Variants in CCDC181 observed in about 807,000 individuals in gnomAD.
CCDC181 encodes coiled-coil domain containing 181, also known as coiled-coil domain-containing protein 181.
A neutral mutation model predicts 58.7 loss-of-function variants in CCDC181; 35 were observed. That is an observed-to-expected ratio of 0.60 (90% CI 0.46 to 0.79). The LOEUF (loss-of-function observed/expected upper bound fraction) is 0.79. Ranked by LOEUF, CCDC181 falls within the 30% of genes least tolerant of loss-of-function variation. CCDC181 has a pLI of 0.00. For missense variants in CCDC181, 517 were observed against 583.9 expected (o/e 0.89, Z 1.18); for synonymous variants, 183 against 197.5 (o/e 0.93, Z 0.62).
intron 4 of CCDC181, among the ~76,000 whole-genome samples, chr1:169,418,262 A>C (rs1196799857): frequency 6.6e-6 from 1 of 152,214 alleles, no homozygotes; most frequent in Non-Finnish European, 1.5e-5. Flanking sequence ...TCTACAAATG[A>C]AGAATGGCTT....
chr1:169,417,727 T>A (rs1351018092), intron 4 of CCDC181, among the ~76,000 whole-genome samples: 1 of 152,164 alleles, frequency 6.6e-6, no homozygotes, highest in East Asian at 1.9e-4. Context: ...AGAGTCATCT[T>A]ATTAGAACAA....
intron 2 of CCDC181, among the ~76,000 whole-genome samples, chr1:169,459,147 T>C (rs1657764396): frequency 6.6e-6 from 1 of 152,210 alleles, no homozygotes; most frequent in Non-Finnish European, 1.5e-5. Flanking sequence ...TATGAAATAA[T>C]AAAATAATCA....
rs1656512837 is a variant in CCDC181, at chr1:169,422,259, C to G, written c.172G>C (p.Val58Leu). The G allele has an allele frequency of 6.2e-7, 1 of 1,601,586 alleles. No homozygotes were observed. Among genetic ancestry groups the G allele is most frequent in the Non-Finnish European group, 8.5e-7 (1 of 1,170,638 alleles). ...INQDLKENET[V>L]MEHTKRHSDP... is the part of the protein sequence containing the mutation. ...GAATGCCGTTTGGTGTGCTCCATTA[C>G]TGTCTCATTCTCTTTTAAGTCTTGG... Residue 58 changes from valine (V) to leucine (L), a missense_variant, in exon 3 of 6, where the codon GTA becomes CTA. Val to Leu is a conservative substitution (Grantham distance 32). Coordinates refer to ENST00000367806, the MANE Select transcript of CCDC181 (RefSeq NM_001300969.2).
At chr1:169,455,444 C>T (rs189485701) in intron 2 of CCDC181, among the ~76,000 whole-genome samples, 63 of 152,064 alleles carry the variant, frequency 4.1e-4, no homozygotes, top group African/African-American at 1.4e-3. Context: ...GGTTTAAAGC[C>T]CCACTAATTA....
rs776982580 is a variant in CCDC181 at position 169,421,965 on chromosome 1, C to G, written c.466G>C (p.Asp156His). The G allele has an allele frequency of 1.2e-6, 2 of 1,613,990 alleles. No homozygotes were observed. The highest frequency in any genetic ancestry group is 4.5e-5 in the East Asian group (2 of 44,874). ...DKRERKLKFK[D>H]QLVDLEVPPL... ...GGAACTTCCAAATCAACTAACTGGTCCTTGAACTTAAGTTTTCGCTCCCTT... is the reference window on the plus strand; with the variant it reads ...GGAACTTCCAAATCAACTAACTGGTGCTTGAACTTAAGTTTTCGCTCCCTT... Residue 156 changes from aspartate to histidine, a missense_variant, in exon 3 of 6, where the codon GAC (aspartate) becomes CAC (histidine). Asp to His is a moderately conservative substitution (Grantham distance 81). Transcript: ENST00000367806.
chr1:169,401,297 G>A (rs1418379284), intron 4 of CCDC181, among the ~76,000 whole-genome samples: 1 of 152,224 alleles, frequency 6.6e-6, no homozygotes, highest in Non-Finnish European at 1.5e-5. Flanking sequence ...TTTGAAGAGA[G>A]TAGTGCTTTT....
chr1:169,452,872 T>C (rs545803818), intron 2 of CCDC181: 1 of 152,216 alleles, frequency 6.6e-6, no homozygotes, highest in East Asian at 1.9e-4. Context: ...TATTTTCCTT[T>C]TTCTCTTAAA....
At position 169,424,716 on chromosome 1, in the gene CCDC181, T is replaced by C. The variant is rs1656637567; in HGVS notation, c.117+95A>G. 6 of 697,100 alleles carry C rather than the reference T, an allele frequency of 8.6e-6. No individual in the cohort carries two copies. In the South Asian group the frequency reaches 1.3e-4, roughly 15 times the overall value. 43.2% of individuals were successfully genotyped at this position (697,100 alleles called of 1,614,324 possible). A position where few individuals can be genotyped will look rare whatever the true frequency, so the allele number is the denominator to read the frequency against. ...TTGCCCAATGTAGATCAAAGAAATT[T>C]TGTGATGTTTAGATGAGATAATAAT... On this transcript the variant is annotated intron_variant, in intron 2 of 5. Transcript: ENST00000367806.
upstream of CCDC181, among the ~76,000 whole-genome samples, chr1:169,428,658 T>G (rs1656813461): frequency 6.6e-6 from 1 of 152,034 alleles, no homozygotes; most frequent in Admixed American, 6.6e-5. Context: ...TTTCTTTGTT[T>G]GTTTGTTTTG....
chr1:169,403,016 T>C (rs1438523597), intron 4 of CCDC181, among the ~76,000 whole-genome samples: 2 of 84,000 alleles, frequency 2.4e-5, no homozygotes, highest in East Asian at 2.1e-3. Context: ...GCAATCCTAG[T>C]CTCTGAAAAA....
chr1:169,446,739 T>G (rs1657388556), intron 2 of CCDC181, among the ~76,000 whole-genome samples: 1 of 152,220 alleles, frequency 6.6e-6, no homozygotes, highest in South Asian at 2.1e-4. Flanking sequence ...TACAGAAGAA[T>G]GTATGTAGGT....
chr1:169,450,939 G>T (rs1268017448), intron 2 of CCDC181, among the ~76,000 whole-genome samples: 4 of 152,114 alleles, frequency 2.6e-5, no homozygotes. Context: ...TATCCAAAAT[G>T]CTAGGAACCT....
chr1:169,410,480 C>A (rs1191507010), intron 4 of CCDC181, among the ~76,000 whole-genome samples: 3 of 152,104 alleles, frequency 2.0e-5, no homozygotes, highest in Non-Finnish European at 4.4e-5. Context: ...TTAGACAGAT[C>A]GACAAGACAG....
At chr1:169,442,763 G>A (rs1172812926) in intron 2 of CCDC181, 2 of 151,906 alleles carry the variant, frequency 1.3e-5, no homozygotes, top group African/African-American at 4.8e-5. Flanking sequence ...TGGAGAGAGA[G>A]GACAATAAAT....
At chr1:169,416,728 T>G (rs1451025925) in intron 4 of CCDC181, among the ~76,000 whole-genome samples, 1 of 152,150 alleles carries the variant, frequency 6.6e-6, no homozygotes, top group Non-Finnish European at 1.5e-5. Flanking sequence ...TTACTCAGTG[T>G]ATTATTATTT....
At chr1:169,400,960 C>T (rs1655308492) in intron 4 of CCDC181, among the ~76,000 whole-genome samples, 1 of 152,214 alleles carries the variant, frequency 6.6e-6, no homozygotes, top group East Asian at 1.9e-4. Flanking sequence ...CAATACTACA[C>T]TTTTCCAACG....
intron 2 of CCDC181, among the ~76,000 whole-genome samples, chr1:169,458,196 T>G (rs539285981): frequency 1.1e-4 from 17 of 151,000 alleles, no homozygotes; most frequent in East Asian, 5.8e-4. Flanking sequence ...TTTGTTTTGT[T>G]TTTTTTGCCA....
intron 2 of CCDC181, among the ~76,000 whole-genome samples, chr1:169,438,542 A>T (rs1377017945): frequency 6.6e-6 from 1 of 152,216 alleles, no homozygotes; most frequent in Non-Finnish European, 1.5e-5. Context: ...GAACCGAATT[A>T]ACATTTTTCA....
At chr1:169,412,104 T>C (rs1326488787) in intron 4 of CCDC181, among the ~76,000 whole-genome samples, 3 of 152,224 alleles carry the variant, frequency 2.0e-5, no homozygotes, top group Admixed American at 6.5e-5. Context: ...TGTTTGCAGA[T>C]GATATTATTG....
Sources: allele counts gnomAD v4.1 joint callset (sites outside exome capture counted in the v4.1 genomes callset), GRCh38; gene constraint gnomAD v4.1.1; transcripts MANE v1.5; gene names NCBI Gene and HGNC (gene_info 2026-07-23, HGNC 2026-07-21).